Variants in SLIT3 observed in about 807,000 individuals in gnomAD.
SLIT3 encodes slit homolog 3 protein.
Under a neutral mutation model 184.0 loss-of-function variants are expected in SLIT3, and 68 were observed. That is an observed-to-expected ratio of 0.37 (90% CI 0.30 to 0.45). The LOEUF is 0.45. SLIT3 is among the 20% of genes least tolerant of loss of function. The pLI, the probability that SLIT3 is intolerant of heterozygous loss-of-function variation, is 1.00. For synonymous variants in SLIT3, 831 were observed against 828.6 expected, an observed-to-expected ratio of 1.00 and a Z score of -0.05; for missense variants, 1,707 against 2,026.0, an observed-to-expected ratio of 0.84 and a Z score of 3.02.
At chr5:169,276,860 C>G (rs1766823988) in intron 1 of SLIT3, among the ~76,000 whole-genome samples, 1 of 152,240 alleles carries the variant, frequency 6.6e-6, no homozygotes, top group Non-Finnish European at 1.5e-5. Context: ...CTTTATAAAG[C>G]AGGCTTTTTG....
intron 4 of SLIT3, among the ~76,000 whole-genome samples, chr5:168,928,810 T>A (rs1206497034): frequency 1.3e-5 from 2 of 152,278 alleles, no homozygotes; most frequent in Non-Finnish European, 2.9e-5. Flanking sequence ...TTTCATGATA[T>A]TTCTGGAAGG....
At chr5:169,072,606 AC>A (rs1348308287) in intron 4 of SLIT3, among the ~76,000 whole-genome samples, 1 of 152,218 alleles carries the variant, frequency 6.6e-6, no homozygotes, top group African/African-American at 2.4e-5. Flanking sequence ...CTGCCTGAAC[AC>A]ATTTTATCAT....
Position 168,798,220 on chromosome 5 carries a change from C to CTTTTTTTTTTTTTTTTTT in SLIT3, c.936-2643_936-2642insAAAAAAAAAAAAAAAAAA, listed in dbSNP as rs575178855. 1.7e-3 allele frequency among the ~76,000 whole-genome samples: 195 copies of CTTTTTTTTTTTTTTTTTT among 112,224 alleles called. 19 individuals carry two copies. The highest frequency in any genetic ancestry group is 5.8e-3 in the African/African-American group (140 of 24,068). 73.6% of individuals were successfully genotyped at this position (112,224 alleles called of 152,430 possible). The stretch of plus-strand genomic sequence containing the variant: ...CTTTTGGTTTTCTTTTCTTCTTCTT[C>CTTTTTTTTTTTTTTTTTT]TTCTTTTTTTTTTTTTTTTAAGAGA... On this transcript the variant is annotated intron_variant, in intron 9 of 35. Transcript: ENST00000519560.
At chr5:169,068,803 C>T (rs781740065) in intron 4 of SLIT3, among the ~76,000 whole-genome samples, 24 of 150,766 alleles carry the variant, frequency 1.6e-4, no homozygotes, top group Middle Eastern at 3.2e-3. Context: ...ATACTCATTA[C>T]GGGAAAAACC....
chr5:168,687,227 A>C, intron 29 of SLIT3, 111 bp from the exon 30 acceptor site: 2 of 1,264,118 alleles, frequency 1.6e-6, no homozygotes, highest in Non-Finnish European at 2.2e-6. Flanking sequence ...CTATCTACCC[A>C]AGTTCCTTTG....
intron 4 of SLIT3, among the ~76,000 whole-genome samples, chr5:169,052,059 A>G (rs889528580): frequency 7.0e-6 from 1 of 142,104 alleles, no homozygotes; most frequent in African/African-American, 2.5e-5. Flanking sequence ...CTTCAGAAAG[A>G]TGCCCCCCTC....
chr5:168,849,624 G>T (rs1473024434), intron 5 of SLIT3, among the ~76,000 whole-genome samples: 1 of 152,132 alleles, frequency 6.6e-6, no homozygotes, highest in African/African-American at 2.4e-5. Flanking sequence ...GAAGAATAAA[G>T]TATAAGACAC....
intron 3 of SLIT3, among the ~76,000 whole-genome samples, chr5:169,209,024 C>T (rs74324611): frequency 0.069 from 10,454 of 152,224 alleles, 451 homozygotes; most frequent in South Asian, 0.12. Flanking sequence ...AGGCAACTTA[C>T]AGAATGGGAG....
chr5:169,155,024 T>G (rs939437103), intron 4 of SLIT3, among the ~76,000 whole-genome samples: 24 of 152,132 alleles, frequency 1.6e-4, no homozygotes, highest in African/African-American at 5.3e-4. Flanking sequence ...AAGAATCAGA[T>G]AGGATGACAA....
At chr5:169,239,804 G>T (rs1229977471) in intron 3 of SLIT3, among the ~76,000 whole-genome samples, 1 of 151,740 alleles carries the variant, frequency 6.6e-6, no homozygotes, top group Non-Finnish European at 1.5e-5. Flanking sequence ...CTGTTCTGTT[G>T]TTCTTGCCCT....
rs1302258850 is a variant in SLIT3 at position 169,016,372 on chromosome 5, C to T, written c.414-133036G>A. Among the ~76,000 whole-genome samples, 5 of 152,238 alleles carry T rather than the reference C, an allele frequency of 3.3e-5. No individual in the cohort carries two copies. The South Asian group carries it at 6.2e-4, about 19-fold the overall frequency. ...GCTGTAGAAATCAAGACACAGCTAA[C>T]GGGTGAAATGACCAGCAACTAAGGT... On this transcript the variant is annotated intron_variant, in intron 4 of 35. Coordinates refer to ENST00000519560, the MANE Select transcript of SLIT3 (RefSeq NM_003062.4).
At chr5:169,018,733 C>T (rs1419445705) in intron 4 of SLIT3, 1 of 152,226 alleles carries the variant, frequency 6.6e-6, no homozygotes, top group Non-Finnish European at 1.5e-5. Flanking sequence ...GCTTTGCAGT[C>T]TTCTTGCGAA....
chr5:169,194,774 C>T (rs1763686877), intron 3 of SLIT3, among the ~76,000 whole-genome samples: 1 of 152,130 alleles, frequency 6.6e-6, no homozygotes, highest in South Asian at 2.1e-4. Flanking sequence ...CCAACGGAGC[C>T]AGTTTCTCTT....
chr5:169,300,920 G>T lies in SLIT3; in HGVS notation c.-211C>A, dbSNP rs1371077899. 1.2e-5 allele frequency: 3 copies of T among 256,776 alleles called. No homozygotes were observed. Among genetic ancestry groups the T allele is most frequent in the African/African-American group, 2.3e-5 (1 of 43,640 alleles). 15.9% of individuals were successfully genotyped at this position (256,776 alleles called of 1,614,324 possible). The stretch of plus-strand genomic sequence containing the variant: ...CGGCAGCAACAGCAGCTCCATCGGC[G>T]GGGCCGGCGCTGCCCCGCTGCGCAT... On this transcript the variant is annotated 5_prime_UTR_variant, in exon 1 of 36. Coordinates refer to ENST00000519560, the MANE Select transcript of SLIT3 (RefSeq NM_003062.4). The surrounding 1 kb of genome is among the most constrained non-coding windows in gnomAD (Gnocchi z 4.1).
chr5:169,071,596 C>T (rs1407001400), intron 4 of SLIT3, among the ~76,000 whole-genome samples: 2 of 152,172 alleles, frequency 1.3e-5, no homozygotes, highest in Non-Finnish European at 2.9e-5. Context: ...AAGCTGTGCT[C>T]CATATTTCCT....
intron 6 of SLIT3, among the ~76,000 whole-genome samples, chr5:168,842,462 T>C (rs1473862756): frequency 8.1e-6 from 1 of 122,740 alleles, no homozygotes; most frequent in Non-Finnish European, 1.7e-5. Context: ...CTGGATACCG[T>C]TTTTTCGTTT....
At chr5:168,895,206 C>T (rs906079978) in intron 4 of SLIT3, among the ~76,000 whole-genome samples, 2 of 152,130 alleles carry the variant, frequency 1.3e-5, no homozygotes, top group Non-Finnish European at 2.9e-5. Flanking sequence ...GAACATTGCT[C>T]CGGATCTACC....
At chr5:169,124,413 G>C (rs1232737076) in intron 4 of SLIT3, among the ~76,000 whole-genome samples, 1 of 152,106 alleles carries the variant, frequency 6.6e-6, no homozygotes, top group Non-Finnish European at 1.5e-5. Context: ...ATTCCTTTGG[G>C]GAAAATTGGA....
intron 4 of SLIT3, among the ~76,000 whole-genome samples, chr5:169,145,201 GC>G (rs1277443231): frequency 6.6e-6 from 1 of 152,162 alleles, no homozygotes; most frequent in Non-Finnish European, 1.5e-5. Context: ...GACCAGAATT[GC>G]CGGGCTCTGG....
Sources: allele counts gnomAD v4.1 joint callset (sites outside exome capture counted in the v4.1 genomes callset), GRCh38; gene constraint gnomAD v4.1.1; non-coding constraint Gnocchi (gnomAD v3.1); transcripts MANE v1.5; gene names NCBI Gene and HGNC (gene_info 2026-07-23, HGNC 2026-07-21).